Variants in HARBI1 observed in about 807,000 individuals in gnomAD.
HARBI1 encodes the protein putative nuclease HARBI1.
A neutral mutation model predicts 25.3 loss-of-function variants in HARBI1; 15 were observed. The ratio of observed to expected loss-of-function variants is 0.59; its 90% CI spans 0.40 to 0.91. HARBI1 has a LOEUF of 0.91. Ranked by LOEUF, HARBI1 falls within the 40% of genes least tolerant of loss-of-function variation. The pLI is 0.00. For missense variants in HARBI1, 396 were observed against 445.8 expected (o/e 0.89, Z 1.01); for synonymous variants, 168 against 160.5 (o/e 1.05, Z -0.35).
chr11:46,604,424 G>T (rs2044862439), intron 2 of HARBI1: 1 of 926,272 alleles, frequency 1.1e-6, no homozygotes, highest in African/African-American at 1.8e-5. Flanking sequence ...TAAAATTCCT[G>T]CATTTTCCTA....
At chr11:46,612,829 C>A (rs2045235059) in intron 2 of HARBI1, among the ~76,000 whole-genome samples, 1 of 151,120 alleles carries the variant, frequency 6.6e-6, no homozygotes, top group African/African-American at 2.4e-5. Context: ...TGCCACCACG[C>A]CCAGCTAATT....
upstream of HARBI1, chr11:46,617,672 A>G (rs2045735013): frequency 2.7e-6 from 1 of 376,840 alleles, no homozygotes; most frequent in African/African-American, 2.1e-5. Context: ...GAAGAGCGCC[A>G]GTCGACGTGG....
chr11:46,612,209 C>T (rs2045208783), intron 2 of HARBI1, among the ~76,000 whole-genome samples: 1 of 152,082 alleles, frequency 6.6e-6, no homozygotes. Context: ...GTGATACCAG[C>T]TACTGGTATT....
chr11:46,603,809 G>A lies in HARBI1; in HGVS notation c.771C>T (p.His257=), dbSNP rs1487341327. 6 of 1,614,040 alleles carry A rather than the reference G, an allele frequency of 3.7e-6. No individual in the cohort carries two copies. In the African/African-American group the frequency reaches 6.7e-5, roughly 18 times the overall value. ...YRYNMAHSAT[H]SVIEKTFRTL... ...TTCGGAAAGTCTTCTCAATCACACT[G>A]TGAGTTGCAGAATGGGCCATGTTAT... Residue 257 remains histidine, a synonymous_variant, in exon 3 of 3, where the codon CAC becomes CAT. Coordinates refer to ENST00000326737, the MANE Select transcript of HARBI1 (RefSeq NM_173811.4).
Position 46,616,821 on chromosome 11 carries a change from A to G in HARBI1, c.-145+303T>C, listed in dbSNP as rs1490079050. The G allele has an allele frequency of 6.1e-6, 6 of 976,688 alleles. No individual in the cohort carries two copies. The Admixed American group carries it at 3.8e-4, about 62-fold the overall frequency. 60.5% of individuals were successfully genotyped at this position (976,688 alleles called of 1,614,324 possible). On this transcript the variant is annotated intron_variant, in intron 1 of 2. Coordinates refer to ENST00000326737, the MANE Select transcript of HARBI1 (RefSeq NM_173811.4). ...GGGTGTTCAAACCAGTCTAACAAGA[A>G]AAGAAGGGGCAAAAAAAAAAAAAAA... is the stretch of plus-strand genomic sequence containing the variant.
At position 46,615,205 on chromosome 11, in the gene HARBI1, G is replaced by C. The variant is rs1024496432; in HGVS notation, c.670+363C>G. Among the ~76,000 whole-genome samples the C allele has an allele frequency of 4.0e-5, 6 of 150,144 alleles. No individual in the cohort carries two copies. In the East Asian group the frequency reaches 9.9e-4, roughly 25 times the overall value. ...AGGATAACAGGCATGAGCTACACGT[G>C]CGGTCCCTTTTCTTTCTTTCTTTTT... On this transcript the variant is annotated intron_variant, in intron 2 of 2. Transcript: ENST00000326737.
In HARBI1 at chr11:46,616,776, C is replaced by CA. The variant is rs1010138652; in HGVS notation, c.-145+347dup. 3.2e-6 allele frequency: 3 copies of CA among 948,590 alleles called. No individual in the cohort carries two copies. The African/African-American group carries it at 6.7e-5, about 21-fold the overall frequency. The allele number at this position is 948,590 out of a possible 1,614,324, so 58.8% of individuals were successfully genotyped here. On this transcript the variant is annotated intron_variant, in intron 1 of 2. Transcript: ENST00000326737. ...TCCAAAGACTTCTGGTTTCACCTGA[C>CA]AAATACAGGACAGATGCTGGGGTGT...
intron 2 of HARBI1, among the ~76,000 whole-genome samples, chr11:46,614,100 G>A (rs750479674): frequency 1.3e-5 from 2 of 151,602 alleles, no homozygotes; most frequent in African/African-American, 2.4e-5. Context: ...TAGAAGAGCT[G>A]GGTGAAATAA....
chr11:46,607,690 A>G (rs1049213823), intron 2 of HARBI1, among the ~76,000 whole-genome samples: 2 of 152,186 alleles, frequency 1.3e-5, no homozygotes, highest in Non-Finnish European at 2.9e-5. Flanking sequence ...CAGAATTGCT[A>G]AACAGATTAC....
Position 46,616,300 on chromosome 11 carries a change from G to A in HARBI1, c.-63C>T. On this transcript the variant is annotated 5_prime_UTR_variant, in exon 2 of 3. Transcript: ENST00000326737. The stretch of plus-strand genomic sequence containing the variant: ...TGAACTGTTCCCAATGAAGATGTTG[G>A]TGCAAGAACGTATTTTTAAGAAAGT... The A allele has an allele frequency of 2.0e-6, 3 of 1,528,068 alleles. No individual in the cohort carries two copies. The highest frequency in any genetic ancestry group is 2.6e-6 in the Non-Finnish European group (3 of 1,145,998). The allele number at this position is 1,528,068 out of a possible 1,614,324, so 94.7% of individuals were successfully genotyped here.
At chr11:46,610,109 T>C (rs1270674444) in intron 2 of HARBI1, among the ~76,000 whole-genome samples, 1 of 150,864 alleles carries the variant, frequency 6.6e-6, no homozygotes, top group Non-Finnish European at 1.5e-5. Flanking sequence ...CGCTTTGGCC[T>C]CCCAAAGTGC....
chr11:46,611,004 CTTT>C (rs1308203480), intron 2 of HARBI1, among the ~76,000 whole-genome samples: 16 of 106,964 alleles, frequency 1.5e-4, no homozygotes, highest in African/African-American at 5.9e-4. Context: ...TTATTTAACT[CTTT>C]TTTTTTTTTT....
At chr11:46,613,166 GA>G (rs1186508991) in intron 2 of HARBI1, among the ~76,000 whole-genome samples, 1 of 151,014 alleles carries the variant, frequency 6.6e-6, no homozygotes, top group Non-Finnish European at 1.5e-5. Flanking sequence ...TTTTAGTAGA[GA>G]AGGGGTTTGA....
At position 46,603,390 on chromosome 11, in the gene HARBI1, C is replaced by A; in HGVS notation, c.*140G>T. The A allele has an allele frequency of 2.5e-6, 2 of 797,792 alleles. No individual in the cohort carries two copies. Among genetic ancestry groups the A allele is most frequent in the Non-Finnish European group, 2.0e-6 (1 of 501,396 alleles). 49.4% of individuals were successfully genotyped at this position (797,792 alleles called of 1,614,324 possible). A position where few individuals can be genotyped will look rare whatever the true frequency, so the allele number is the denominator to read the frequency against. On this transcript the variant is annotated 3_prime_UTR_variant, in exon 3 of 3. Transcript: ENST00000326737. Reference sequence around the variant, plus strand: ...TATTCTGGCATAGCCCCAACCTTACCAAAACACACATATTAAATGTCAGTT... The same window carrying A: ...TATTCTGGCATAGCCCCAACCTTACAAAAACACACATATTAAATGTCAGTT...
intron 2 of HARBI1, among the ~76,000 whole-genome samples, chr11:46,614,196 G>A (rs2135404815): frequency 6.6e-6 from 1 of 151,776 alleles, no homozygotes; most frequent in East Asian, 1.9e-4. Context: ...GGGAGGCTGA[G>A]ATGGGCAGAT....
Position 46,603,734 on chromosome 11 carries a change from C to T in HARBI1, c.846G>A (p.Gln282=), listed in dbSNP as rs760162320. Residue 282 remains glutamine (Q), a synonymous_variant, in exon 3 of 3, where the codon CAG becomes CAA. Transcript: ENST00000326737. ...RCLDGSKGAL[Q]YSPEKSSHII... ...TATGGCTGGATTTCTCTGGTGAGTA[C>T]TGCAGTGCCCCCTTGGATCCATCCA... The T allele has an allele frequency of 1.9e-6, 3 of 1,614,166 alleles. No individual in the cohort carries two copies. Among genetic ancestry groups the T allele is most frequent in the Non-Finnish European group, 1.7e-6 (2 of 1,180,024 alleles).
upstream of HARBI1, chr11:46,617,807 A>C (rs1430459656): frequency 7.5e-6 from 3 of 399,108 alleles, no homozygotes; most frequent in Middle Eastern, 6.2e-4. Flanking sequence ...CGGAACCCTC[A>C]GCCAGGAGGC....
Position 46,617,113 on chromosome 11 carries a change from C to T in HARBI1, c.-145+11G>A. 1 of 505,796 alleles carries T rather than the reference C, an allele frequency of 2.0e-6. No individual in the cohort carries two copies. The highest frequency in any genetic ancestry group is 2.6e-6 in the Non-Finnish European group (1 of 391,932). The allele number at this position is 505,796 out of a possible 1,614,324, so 31.3% of individuals were successfully genotyped here. ...CGCCGGCCACTCAGTTAGCCCAGGCCCGTCACCCACCTCTCCGCGGCTGCC... is the reference window on the plus strand; with the variant it reads ...CGCCGGCCACTCAGTTAGCCCAGGCTCGTCACCCACCTCTCCGCGGCTGCC... On this transcript the variant is annotated intron_variant, in intron 1 of 2. Coordinates refer to ENST00000326737, the MANE Select transcript of HARBI1 (RefSeq NM_173811.4).
intron 2 of HARBI1, among the ~76,000 whole-genome samples, chr11:46,610,346 A>AAT (rs111841155): frequency 0.082 from 11,911 of 144,728 alleles, 1,267 homozygotes; most frequent in African/African-American, 0.25. Flanking sequence ...GTATGTATAT[A>AAT]ATATATATAT....
Sources: gnomAD v4.1 joint callset for allele counts (sites outside exome capture counted in the v4.1 genomes callset) on GRCh38, gnomAD v4.1.1 for gene constraint, MANE v1.5 for transcripts, NCBI Gene and HGNC (gene_info 2026-07-23, HGNC 2026-07-21) for gene names.